Variants in OPALIN observed in about 807,000 individuals in gnomAD.
OPALIN encodes the protein transmembrane protein 10.
OPALIN carries 15 observed loss-of-function variants against 17.8 expected under a neutral mutation model. That is an observed-to-expected ratio of 0.84 (90% confidence interval 0.56 to 1.29). OPALIN has a LOEUF of 1.29. OPALIN is among the 50% of genes most tolerant of loss of function. The pLI, the probability that OPALIN is intolerant of heterozygous loss-of-function variation, is 0.00. For synonymous variants in OPALIN, 62 were observed against 63.8 expected, an observed-to-expected ratio of 0.97 and a Z score of 0.14; for missense variants, 170 against 176.0, an observed-to-expected ratio of 0.97 and a Z score of 0.19.
Position 96,349,791 on chromosome 10 carries a change from T to C in OPALIN, c.108A>G (p.Ile36Met), listed in dbSNP as rs771434166. 3.7e-6 allele frequency: 6 copies of C among 1,605,614 alleles called. No homozygotes were observed. The highest frequency in any genetic ancestry group is 4.3e-6 in the Non-Finnish European group (5 of 1,174,012). ...CGPSLGLAAG[I>M]PLLVATALLV... ...GCAGGGCTGTGGCCACCAGCAATGG[T>C]ATGCCCGCCGCTAATCCAAGAGAGG... is the stretch of plus-strand genomic sequence containing the variant. Residue 36 changes from isoleucine to methionine, a missense_variant, in exon 4 of 6, where the codon ATA (isoleucine) becomes ATG (methionine). By Grantham distance (10) the Ile-to-Met change is conservative. Transcript: ENST00000371172.
At position 96,343,456 on chromosome 10, in the gene OPALIN, A is replaced by T. The variant is rs1309421976; in HGVS notation, c.*2485T>A. 6.6e-6 allele frequency: 1 copy of T among 152,246 alleles called. No homozygotes were observed. The highest frequency in any genetic ancestry group is 1.9e-4 in the East Asian group (1 of 5,196). 9.4% of individuals were successfully genotyped at this position (152,246 alleles called of 1,614,324 possible). ...CATGCATATTTCAATCCAGCCTTAC[A>T]ACCACCCCATGGGCTAAAAGGATGG... On this transcript the variant is annotated 3_prime_UTR_variant, in exon 6 of 6. Transcript: ENST00000371172.
At chr10:96,349,964 A>G (rs1845509684) in intron 3 of OPALIN, 138 bp from the exon 4 acceptor site, 2 of 905,076 alleles carry the variant, frequency 2.2e-6, no homozygotes, top group South Asian at 4.1e-5. Flanking sequence ...AGGGTAATGA[A>G]ATACTGTGCA....
chr10:96,350,538 T>TA (rs1332865415), intron 3 of OPALIN, among the ~76,000 whole-genome samples: 2 of 152,160 alleles, frequency 1.3e-5, no homozygotes, highest in East Asian at 3.8e-4. Context: ...TAATATGAAT[T>TA]AAAAAAATTT....
intron 2 of OPALIN, among the ~76,000 whole-genome samples, chr10:96,351,763 A>G (rs1845594940): frequency 1.3e-5 from 2 of 152,216 alleles, no homozygotes; most frequent in Admixed American, 1.3e-4. Flanking sequence ...GGAAACACAT[A>G]TAAATACTGG....
At chr10:96,354,666 T>A (rs994986923) in intron 2 of OPALIN, among the ~76,000 whole-genome samples, 1 of 150,580 alleles carries the variant, frequency 6.6e-6, no homozygotes, top group African/African-American at 2.5e-5. Flanking sequence ...ACACCAGTTT[T>A]CTGCTGATGA....
At chr10:96,349,856 A>G (rs1845504038) in intron 3 of OPALIN, 30 bp from the exon 4 acceptor site, 1 of 1,591,688 alleles carries the variant, frequency 6.3e-7, no homozygotes, top group African/African-American at 1.4e-5. Context: ...ACAGGGTCAG[A>G]GGAAGCCCAG....
At position 96,358,947 on chromosome 10, in the gene OPALIN, C is replaced by T. The variant is rs776200070; in HGVS notation, c.-51G>A. Reference sequence around the variant, plus strand: ...TTCGTACACTGCCTTTGGTAAGCTCCTTTCTCACTGGCTTTATTGGCTTGT... The same window carrying T: ...TTCGTACACTGCCTTTGGTAAGCTCTTTTCTCACTGGCTTTATTGGCTTGT... On this transcript the variant is annotated 5_prime_UTR_variant, in exon 1 of 6. Coordinates refer to ENST00000371172, the MANE Select transcript of OPALIN (RefSeq NM_033207.5). 1 of 1,602,340 alleles carries T rather than the reference C, an allele frequency of 6.2e-7. No individual in the cohort carries two copies. Among genetic ancestry groups the T allele is most frequent in the African/African-American group, 1.3e-5 (1 of 74,674 alleles).
chr10:96,355,604 A>T (rs1478983971), intron 1 of OPALIN, among the ~76,000 whole-genome samples: 2 of 152,228 alleles, frequency 1.3e-5, no homozygotes, highest in African/African-American at 4.8e-5. Context: ...CAAACACATG[A>T]CTAGAAATTC....
Position 96,349,752 on chromosome 10 carries a change from T to C in OPALIN, c.147A>G (p.Leu49=). The change falls in exon 4 of 6, where the codon CTA becomes CTG. Residue 49 remains leucine (L), a synonymous_variant. Coordinates refer to ENST00000371172, the MANE Select transcript of OPALIN (RefSeq NM_033207.5). ...LVATALLVAL[L]FTLIHRRRSS... is the part of the protein sequence containing the mutation. ...TTCTTCTTCGGTGAATCAAAGTAAA[T>C]AGTAAAGCCACCAGCAGGGCTGTGG... 6.2e-7 allele frequency: 1 copy of C among 1,613,894 alleles called. No individual in the cohort carries two copies. Among genetic ancestry groups the C allele is most frequent in the South Asian group, 1.1e-5 (1 of 91,054 alleles).
rs911311774 is a variant in OPALIN, at chr10:96,344,473, G to C, written c.*1468C>G. On this transcript the variant is annotated 3_prime_UTR_variant, in exon 6 of 6. Transcript: ENST00000371172. The stretch of plus-strand genomic sequence containing the variant: ...TACAGAAGAAAAAAAAAAAAGGCTG[G>C]GGATGGATTGGAAAATGGGAAGAGG... 1.3e-5 allele frequency: 2 copies of C among 152,062 alleles called. No homozygotes were observed. Among genetic ancestry groups the C allele is most frequent in the Non-Finnish European group, 2.9e-5 (2 of 68,028 alleles). The allele number at this position is 152,062 out of a possible 1,614,324, so 9.4% of individuals were successfully genotyped here.
At chr10:96,357,173 CA>C in intron 1 of OPALIN, 1 of 985,234 alleles carries the variant, frequency 1.0e-6, no homozygotes, top group Non-Finnish European at 1.2e-6. Flanking sequence ...TGCAGCTGCC[CA>C]GAGCTTTATC....
At chr10:96,353,891 A>G (rs1845696782) in intron 2 of OPALIN, among the ~76,000 whole-genome samples, 2 of 152,156 alleles carry the variant, frequency 1.3e-5, no homozygotes, top group African/African-American at 4.8e-5. Flanking sequence ...AGTGCCCCCC[A>G]CCAGAGGCTG....
At chr10:96,355,223 G>A (rs199717457) in intron 2 of OPALIN, 32 bp downstream of exon 2, 43 of 1,604,210 alleles carry the variant, frequency 2.7e-5, no homozygotes, top group Admixed American at 1.8e-4. Flanking sequence ...TCTTCTCTGC[G>A]TTGCCTGGTG....
chr10:96,349,838 T>G lies in OPALIN; in HGVS notation c.73-12A>C, dbSNP rs778277768. 1 of 1,605,736 alleles carries G rather than the reference T, an allele frequency of 6.2e-7. No individual in the cohort carries two copies. The highest frequency in any genetic ancestry group is 8.5e-7 in the Non-Finnish European group (1 of 1,177,196). On this transcript the variant is annotated splice_polypyrimidine_tract_variant and intron_variant, in intron 3 of 5. Transcript: ENST00000371172. ...GAGGGCCCACAGTCCTGGCACAGAATGAAAAACACAGGGTCAGAGGAAGCC... is the reference window on the plus strand; with the variant it reads ...GAGGGCCCACAGTCCTGGCACAGAAGGAAAAACACAGGGTCAGAGGAAGCC...
At chr10:96,356,144 C>T (rs1845810170) in intron 1 of OPALIN, among the ~76,000 whole-genome samples, 2 of 152,176 alleles carry the variant, frequency 1.3e-5, no homozygotes, top group Non-Finnish European at 2.9e-5. Flanking sequence ...TTCCCACTTT[C>T]TGGACTCTCA....
At chr10:96,358,331 T>A (rs1474430011) in intron 1 of OPALIN, among the ~76,000 whole-genome samples, 1 of 151,974 alleles carries the variant, frequency 6.6e-6, no homozygotes, top group East Asian at 1.9e-4. Context: ...CAGGGTCTCC[T>A]CCTATTCTAA....
At chr10:96,355,389 A>C in intron 1 of OPALIN, 99 bp from the exon 2 acceptor site, 1 of 1,097,140 alleles carries the variant, frequency 9.1e-7, no homozygotes, top group Non-Finnish European at 1.4e-6. Context: ...CCGAGAGGTC[A>C]TTGATCCTAT....
At chr10:96,355,448 G>A (rs953990462) in intron 1 of OPALIN, among the ~76,000 whole-genome samples, 158 bp from the exon 2 acceptor site, 1 of 152,102 alleles carries the variant, frequency 6.6e-6, no homozygotes, top group Non-Finnish European at 1.5e-5. Context: ...CCCAAAAGAA[G>A]GAAGGGGAGG....
rs1589382695 is a variant in OPALIN at position 96,345,936 on chromosome 10, C to T, written c.*5G>A. The T allele has an allele frequency of 1.2e-6, 2 of 1,613,818 alleles. No individual in the cohort carries two copies. Among genetic ancestry groups the T allele is most frequent in the Non-Finnish European group, 1.7e-6 (2 of 1,179,814 alleles). On this transcript the variant is annotated 3_prime_UTR_variant, in exon 6 of 6. Coordinates refer to ENST00000371172, the MANE Select transcript of OPALIN (RefSeq NM_033207.5). ...CCAGGTCTGCTGCTCCTTGACTGAGCTGCATCATTCCAGGCTCAGTCTGGG... is the reference window on the plus strand; with the variant it reads ...CCAGGTCTGCTGCTCCTTGACTGAGTTGCATCATTCCAGGCTCAGTCTGGG...
Sources: allele counts gnomAD v4.1 joint callset (sites outside exome capture counted in the v4.1 genomes callset), GRCh38; gene constraint gnomAD v4.1.1; transcripts MANE v1.5; gene names NCBI Gene and HGNC (gene_info 2026-07-23, HGNC 2026-07-21).